The following SRC variants were observed in gnomAD, a reference collection of about 807,000 sequenced individuals.
SRC encodes proto-oncogene tyrosine-protein kinase Src.
A neutral mutation model predicts 62.9 loss-of-function variants in SRC; 13 were observed. The ratio of observed to expected loss-of-function variants is 0.21; its 90% CI spans 0.13 to 0.33. The LOEUF (loss-of-function observed/expected upper bound fraction) is 0.33. SRC is among the 10% of genes least tolerant of loss of function. SRC has a pLI of 1.00. For missense variants in SRC, 457 were observed against 737.3 expected, an observed-to-expected ratio of 0.62 and a Z score of 4.40; for synonymous variants, 302 against 317.5, an observed-to-expected ratio of 0.95 and a Z score of 0.52.
Position 37,384,230 on chromosome 20 carries a change from G to A in SRC, c.77G>A (p.Gly26Asp). The A allele has an allele frequency of 6.3e-7, 1 of 1,577,698 alleles. No homozygotes were observed. The highest frequency in any genetic ancestry group is 8.6e-7 in the Non-Finnish European group (1 of 1,168,566). The stretch of plus-strand genomic sequence containing the variant: ...CTGGAGCCCGCCGAGAACGTGCACG[G>A]CGCTGGCGGGGGCGCTTTCCCCGCC... Reference protein sequence around the residue: ...RSLEPAENVHGAGGGAFPASQ... With the variant: ...RSLEPAENVHDAGGGAFPASQ... Residue 26 changes from glycine to aspartate, a missense_variant, in exon 4 of 14, where the codon GGC (glycine) becomes GAC (aspartate). Coordinates refer to ENST00000373578, the MANE Select transcript of SRC (RefSeq NM_198291.3). The surrounding 1 kb of genome is among the most constrained non-coding windows in gnomAD (Gnocchi z 6.7).
intron 1 of SRC, among the ~76,000 whole-genome samples, chr20:37,359,293 T>G (rs773640910): frequency 6.6e-6 from 1 of 152,236 alleles, no homozygotes; most frequent in African/African-American, 2.4e-5. Context: ...GAGCTGCAGA[T>G]AGCAAGGAAC....
chr20:37,373,420 TATATGC>T (rs1288839210), intron 2 of SRC, among the ~76,000 whole-genome samples: 1 of 151,618 alleles, frequency 6.6e-6, no homozygotes, highest in Non-Finnish European at 1.5e-5. Context: ...TATATACGCA[TATATGC>T]GTGTATATAC....
At chr20:37,362,746 T>G (rs1276542211) in intron 1 of SRC, among the ~76,000 whole-genome samples, 2 of 152,084 alleles carry the variant, frequency 1.3e-5, no homozygotes, top group Admixed American at 1.3e-4. Context: ...TGGGGGGGTC[T>G]GCGAAGCCTC....
chr20:37,384,437 C>T lies in SRC; in HGVS notation c.250+34C>T. On this transcript the variant is annotated intron_variant, in intron 4 of 13. Transcript: ENST00000373578. The surrounding 1 kb of genome is among the most constrained non-coding windows in gnomAD (Gnocchi z 6.7). ...GCGGGCGGCGCGGGGTCCTCGCCCA[C>T]CTGGGGCCACGGCGGGGAGGCGGCG... is the stretch of plus-strand genomic sequence containing the variant. 1.5e-6 allele frequency: 2 copies of T among 1,311,790 alleles called. No homozygotes were observed. The highest frequency in any genetic ancestry group is 9.6e-7 in the Non-Finnish European group (1 of 1,038,476). The allele number at this position is 1,311,790 out of a possible 1,614,324, so 81.3% of individuals were successfully genotyped here. A position where few individuals can be genotyped will look rare whatever the true frequency, so the allele number is the denominator to read the frequency against.
rs1484245132 is a variant in SRC, at chr20:37,398,521, C to T, written c.859+667C>T. The stretch of plus-strand genomic sequence containing the variant: ...CAAGGTGGTTTCATCTGAGCCGCAT[C>T]TCCACTCACTCCCACTGCCTCCACG... On this transcript the variant is annotated intron_variant, in intron 9 of 13. Coordinates refer to ENST00000373578, the MANE Select transcript of SRC (RefSeq NM_198291.3). This position sits in a 1 kb window ranked among gnomAD's most constrained non-coding sequence, Gnocchi z 5.2. Among the ~76,000 whole-genome samples the T allele has an allele frequency of 1.3e-5, 2 of 152,232 alleles. No homozygotes were observed. Among genetic ancestry groups the T allele is most frequent in the African/African-American group, 4.8e-5 (2 of 41,466 alleles).
Position 37,402,310 on chromosome 20 carries a change from C to T in SRC, c.1117-125C>T. 1 of 1,208,972 alleles carries T rather than the reference C, an allele frequency of 8.3e-7. No individual in the cohort carries two copies. Among genetic ancestry groups the T allele is most frequent in the Non-Finnish European group, 1.2e-6 (1 of 860,554 alleles). 74.9% of individuals were successfully genotyped at this position (1,208,972 alleles called of 1,614,324 possible). A position where few individuals can be genotyped will look rare whatever the true frequency, so the allele number is the denominator to read the frequency against. Reference sequence around the variant, plus strand: ...AACAGCATTTACTGTGAACTGACCTCACTTGCCTGAAGAAGTGTGGGGAGG... The same window carrying T: ...AACAGCATTTACTGTGAACTGACCTTACTTGCCTGAAGAAGTGTGGGGAGG... On this transcript the variant is annotated intron_variant, in intron 11 of 13. Coordinates refer to ENST00000373578, the MANE Select transcript of SRC (RefSeq NM_198291.3). The surrounding 1 kb of genome is among the most constrained non-coding windows in gnomAD (Gnocchi z 6.2).
At chr20:37,362,363 A>G (rs1280089478) in intron 1 of SRC, among the ~76,000 whole-genome samples, 1 of 151,970 alleles carries the variant, frequency 6.6e-6, no homozygotes, top group Non-Finnish European at 1.5e-5. Flanking sequence ...TCCTGGCCGC[A>G]CAGTGATTCT....
Position 37,397,640 on chromosome 20 carries a change from G to A in SRC, c.704-59G>A, listed in dbSNP as rs903204185. 7.4e-6 allele frequency: 11 copies of A among 1,488,710 alleles called. No homozygotes were observed. Among genetic ancestry groups the A allele is most frequent in the Non-Finnish European group, 9.8e-6 (11 of 1,117,736 alleles). The allele number at this position is 1,488,710 out of a possible 1,614,324, so 92.2% of individuals were successfully genotyped here. ...GGCATGTAGGGCGACACACACTGAGGGGCAGGGAGGCCCCAGGGCAGAAGA... is the reference window on the plus strand; with the variant it reads ...GGCATGTAGGGCGACACACACTGAGAGGCAGGGAGGCCCCAGGGCAGAAGA... On this transcript the variant is annotated intron_variant, in intron 8 of 13. Coordinates refer to ENST00000373578, the MANE Select transcript of SRC (RefSeq NM_198291.3). This position sits in a 1 kb window ranked among gnomAD's most constrained non-coding sequence, Gnocchi z 4.1.
rs1480188726 is a variant in SRC, at chr20:37,402,196, G to T, written c.1117-239G>T. ...CGCTTTCCTGGCTGCATCGGATCTCGTGCCTCCCCTTTGACCTTTGCCTTC... is the reference window on the plus strand; with the variant it reads ...CGCTTTCCTGGCTGCATCGGATCTCTTGCCTCCCCTTTGACCTTTGCCTTC... On this transcript the variant is annotated intron_variant, in intron 11 of 13. Coordinates refer to ENST00000373578, the MANE Select transcript of SRC (RefSeq NM_198291.3). This position sits in a 1 kb window ranked among gnomAD's most constrained non-coding sequence, Gnocchi z 6.2. 3 of 467,418 alleles carry T rather than the reference G, an allele frequency of 6.4e-6. No individual in the cohort carries two copies. The highest frequency in any genetic ancestry group is 2.0e-5 in the African/African-American group (1 of 50,314). 29.0% of individuals were successfully genotyped at this position (467,418 alleles called of 1,614,324 possible).
rs530813776 is a variant in SRC at position 37,389,993 on chromosome 20, C to T, written c.350+3819C>T. On this transcript the variant is annotated intron_variant, in intron 5 of 13. Coordinates refer to ENST00000373578, the MANE Select transcript of SRC (RefSeq NM_198291.3). ...TGCTGTGACTGGTGACCGCAGCCAC[C>T]GGAGGCAGCTTTGAGCCTCCCAAGC... Among the ~76,000 whole-genome samples, 8 of 152,216 alleles carry T rather than the reference C, an allele frequency of 5.3e-5. No individual in the cohort carries two copies. In the South Asian group the frequency reaches 1.5e-3, roughly 28 times the overall value.
At position 37,402,717 on chromosome 20, in the gene SRC, C is replaced by G; in HGVS notation, c.1271-32C>G. 3.8e-6 allele frequency: 6 copies of G among 1,592,950 alleles called. No individual in the cohort carries two copies. The highest frequency in any genetic ancestry group is 5.1e-6 in the Non-Finnish European group (6 of 1,168,712). ...TAGCAGAGCGGTCATGACAGGAGGT[C>G]AGAGCTGCCCTGACCTTTCTCGTTC... is the stretch of plus-strand genomic sequence containing the variant. On this transcript the variant is annotated intron_variant, in intron 12 of 13. Coordinates refer to ENST00000373578, the MANE Select transcript of SRC (RefSeq NM_198291.3). This position sits in a 1 kb window ranked among gnomAD's most constrained non-coding sequence, Gnocchi z 6.2.
At chr20:37,379,655 C>T (rs2070331358) in intron 2 of SRC, among the ~76,000 whole-genome samples, 1 of 147,480 alleles carries the variant, frequency 6.8e-6, no homozygotes, top group Admixed American at 6.8e-5. Context: ...ACCTGGGAGG[C>T]GAAGGGTGCA....
intron 1 of SRC, among the ~76,000 whole-genome samples, chr20:37,358,922 A>G (rs1030321355): frequency 6.6e-6 from 1 of 152,276 alleles, no homozygotes; most frequent in Non-Finnish European, 1.5e-5. Context: ...ACACGGGACC[A>G]GGCATGTCCT....
chr20:37,363,798 A>G (rs1359743423), intron 1 of SRC, among the ~76,000 whole-genome samples: 1 of 152,056 alleles, frequency 6.6e-6, no homozygotes, highest in Non-Finnish European at 1.5e-5. Context: ...GGTTAGGGAG[A>G]CATGCAGAGC....
chr20:37,402,899 C>T lies in SRC; in HGVS notation c.1402+19C>T, dbSNP rs962848688. On this transcript the variant is annotated intron_variant, in intron 13 of 13. Coordinates refer to ENST00000373578, the MANE Select transcript of SRC (RefSeq NM_198291.3). This position sits in a 1 kb window ranked among gnomAD's most constrained non-coding sequence, Gnocchi z 6.2. ...TACCCTGGTAAGAAGGTCCTCATGG[C>T]CTGTCTGTGGTCCCTGAATCCCTCT... The T allele has an allele frequency of 1.2e-6, 2 of 1,608,918 alleles. No individual in the cohort carries two copies. The highest frequency in any genetic ancestry group is 2.7e-5 in the African/African-American group (2 of 74,758).
rs1250842919 is a variant in SRC at position 37,384,191 on chromosome 20, A to G, written c.38A>G (p.Gln13Arg). ...SNKSKPKDAS[Q>R]RRRSLEPAEN... ...AAGAGCAAGCCCAAGGATGCCAGCC[A>G]GCGGCGCCGCAGCCTGGAGCCCGCC... The change falls in exon 4 of 14, where the codon CAG becomes CGG. Residue 13 changes from glutamine to arginine, a missense_variant. By Grantham distance (43) the Gln-to-Arg change is conservative. This residue lies in a region of SRC where 132 missense variants were observed against 135.4 expected (regional missense o/e 0.98). Transcript: ENST00000373578. This position sits in a 1 kb window ranked among gnomAD's most constrained non-coding sequence, Gnocchi z 6.7. 5.6e-6 allele frequency: 9 copies of G among 1,598,290 alleles called. No homozygotes were observed. The highest frequency in any genetic ancestry group is 7.7e-6 in the Non-Finnish European group (9 of 1,176,354).
In SRC at chr20:37,397,754, G is replaced by T. The variant is rs750611059; in HGVS notation, c.759G>T (p.Pro253=). The part of the protein sequence containing the change: ...RLTTVCPTSK[P]QTQGLAKDAW... ...CCACCGTGTGCCCCACGTCCAAGCC[G>T]CAGACTCAGGGCCTGGCCAAGGATG... The change falls in exon 9 of 14, where the codon CCG becomes CCT. Residue 253 remains proline, a synonymous_variant. Transcript: ENST00000373578. This position sits in a 1 kb window ranked among gnomAD's most constrained non-coding sequence, Gnocchi z 4.1. 13 of 1,610,474 alleles carry T rather than the reference G, an allele frequency of 8.1e-6. No individual in the cohort carries two copies. The highest frequency in any genetic ancestry group is 1.1e-5 in the South Asian group (1 of 90,614).
At position 37,402,680 on chromosome 20, in the gene SRC, AT is replaced by A. The variant is rs755358218; in HGVS notation, c.1271-68del. 1.3e-6 allele frequency: 2 copies of A among 1,573,012 alleles called. No homozygotes were observed. The highest frequency in any genetic ancestry group is 2.3e-5 in the East Asian group (1 of 44,388). On this transcript the variant is annotated intron_variant, in intron 12 of 13. Coordinates refer to ENST00000373578, the MANE Select transcript of SRC (RefSeq NM_198291.3). The surrounding 1 kb of genome is among the most constrained non-coding windows in gnomAD (Gnocchi z 6.2). ...GTTTTTTCCTCAGCTGTCATTCCTC[AT>A]GGTGCTTATCTAGCAGAGCGGTCAT...
intron 7 of SRC, among the ~76,000 whole-genome samples, chr20:37,395,399 C>T (rs2070628177): frequency 6.6e-6 from 1 of 152,246 alleles, no homozygotes; most frequent in Non-Finnish European, 1.5e-5. Context: ...CTGCCCCTGC[C>T]TCCGGGGCTC....
Sources: allele counts gnomAD v4.1 joint callset (sites outside exome capture counted in the v4.1 genomes callset), GRCh38; gene constraint gnomAD v4.1.1; regional missense constraint gnomAD v4.1.1; non-coding constraint Gnocchi (gnomAD v3.1); transcripts MANE v1.5; gene names NCBI Gene and HGNC (gene_info 2026-07-23, HGNC 2026-07-21).